Variants in ICA1 observed in about 807,000 individuals in gnomAD.
The protein encoded by ICA1 is islet cell autoantigen 1.
In ICA1, 40 loss-of-function variants were observed where a neutral mutation model predicts 71.0. The ratio of observed to expected loss-of-function variants is 0.56; its 90% CI spans 0.44 to 0.73. ICA1 has a LOEUF of 0.73. Among genes scored for constraint, ICA1 ranks in the 30% least tolerant of loss-of-function variants. The pLI is 0.00. For missense variants in ICA1, 578 were observed against 576.5 expected (o/e 1.00, Z -0.03); for synonymous variants, 207 against 209.5 (o/e 0.99, Z 0.10).
At chr7:8,157,277 G>C (rs1245705441) in intron 7 of ICA1, 63 bp from the exon 8 acceptor site, 1 of 1,433,618 alleles carries the variant, frequency 7.0e-7, no homozygotes, top group Non-Finnish European at 9.4e-7. Flanking sequence ...CTGGTCCCCA[G>C]GGAAGTATGA....
At position 8,218,629 on chromosome 7, in the gene ICA1, A is replaced by G. The variant is rs1563059270; in HGVS notation, c.381-126T>C. On this transcript the variant is annotated intron_variant, in intron 5 of 13. Transcript: ENST00000402384. ...CTGGAATGTAGAAGATGCTCCATCA[A>G]TATTTGCTGAATAATAATCGAAATG... 1.1e-5 allele frequency: 8 copies of G among 731,470 alleles called. No individual in the cohort carries two copies. In the East Asian group the frequency reaches 1.9e-4, roughly 17 times the overall value. 45.3% of individuals were successfully genotyped at this position (731,470 alleles called of 1,614,324 possible). A position where few individuals can be genotyped will look rare whatever the true frequency, so the allele number is the denominator to read the frequency against.
At chr7:8,241,179 C>T (rs1046943558) in intron 1 of ICA1, among the ~76,000 whole-genome samples, 1 of 152,160 alleles carries the variant, frequency 6.6e-6, no homozygotes, top group African/African-American at 2.4e-5. Flanking sequence ...GGTTGGGTTA[C>T]CCACAAAGGG....
chr7:8,140,248 A>C (rs1011278864), intron 10 of ICA1, among the ~76,000 whole-genome samples: 4 of 152,192 alleles, frequency 2.6e-5, no homozygotes, highest in African/African-American at 4.8e-5. Context: ...GCTTGCATCC[A>C]TATAGACAGA....
intron 6 of ICA1, among the ~76,000 whole-genome samples, chr7:8,201,704 T>C (rs1789761368): frequency 6.6e-6 from 1 of 152,144 alleles, no homozygotes; most frequent in South Asian, 2.1e-4. Flanking sequence ...CAGAAGATCT[T>C]CTATGTTTTA....
intron 13 of ICA1, among the ~76,000 whole-genome samples, chr7:8,122,725 T>C (rs1010288075): frequency 2.6e-5 from 4 of 152,250 alleles, no homozygotes; most frequent in African/African-American, 7.2e-5. Context: ...TGACATTATA[T>C]TAGCCTTAAG....
intron 1 of ICA1, among the ~76,000 whole-genome samples, chr7:8,240,468 A>G (rs918226807): frequency 5.3e-5 from 8 of 152,232 alleles, no homozygotes; most frequent in Non-Finnish European, 1.2e-4. Context: ...CCAGAGCAGA[A>G]AAGCTGAAAA....
chr7:8,139,133 G>A (rs766387477), intron 10 of ICA1, 86 bp from the exon 11 acceptor site: 16 of 1,052,138 alleles, frequency 1.5e-5, no homozygotes, highest in Admixed American at 1.1e-4. Flanking sequence ...GTAAATGCAC[G>A]GCTTCAGGAA....
At chr7:8,202,987 C>T (rs182153963) in intron 6 of ICA1, among the ~76,000 whole-genome samples, 2 of 152,326 alleles carry the variant, frequency 1.3e-5, no homozygotes, top group South Asian at 2.1e-4. Context: ...TTGTGATTAA[C>T]ATGGGTACAT....
At chr7:8,211,305 C>G (rs1793709521) in intron 6 of ICA1, among the ~76,000 whole-genome samples, 1 of 152,130 alleles carries the variant, frequency 6.6e-6, no homozygotes, top group African/African-American at 2.4e-5. Context: ...ATGTGCCCTG[C>G]TAAGTACCTC....
At chr7:8,171,382 A>G (rs1332052428) in intron 6 of ICA1, among the ~76,000 whole-genome samples, 1 of 151,886 alleles carries the variant, frequency 6.6e-6, no homozygotes, top group African/African-American at 2.4e-5. Context: ...GCTTGTCTTT[A>G]AAGGGATTTG....
intron 1 of ICA1, among the ~76,000 whole-genome samples, chr7:8,238,233 A>G (rs1305404067): frequency 6.6e-6 from 1 of 152,178 alleles, no homozygotes; most frequent in Non-Finnish European, 1.5e-5. Context: ...TGTTTTCCAC[A>G]GCAGCTGCAC....
At chr7:8,167,867 T>C (rs1470864531) in intron 6 of ICA1, among the ~76,000 whole-genome samples, 1 of 152,140 alleles carries the variant, frequency 6.6e-6, no homozygotes, top group African/African-American at 2.4e-5. Context: ...TTTCTGAACC[T>C]GGAGCTAGAG....
At chr7:8,176,572 G>A (rs1443956343) in intron 6 of ICA1, among the ~76,000 whole-genome samples, 4 of 152,276 alleles carry the variant, frequency 2.6e-5, no homozygotes, top group Non-Finnish European at 5.9e-5. Flanking sequence ...TTTGTGCCTC[G>A]TGGGCAGCAG....
In ICA1 at chr7:8,221,083, G is replaced by GA. The variant is rs202019687; in HGVS notation, c.380+191dup. On this transcript the variant is annotated intron_variant, in intron 5 of 13. Coordinates refer to ENST00000402384, the MANE Select transcript of ICA1 (RefSeq NM_001136020.3). The stretch of plus-strand genomic sequence containing the variant: ...AAAATTTTTTTTAATTAATAGGGAG[G>GA]AAAAAAAAATCCTATGTGTTAATCT... Among the ~76,000 whole-genome samples the GA allele has an allele frequency of 2.1e-3, 312 of 150,698 alleles. 1 individual carries two copies. Among genetic ancestry groups the GA allele is most frequent in the Non-Finnish European group, 3.5e-3 (234 of 67,620 alleles).
chr7:8,252,008 A>G (rs1433842210), intron 1 of ICA1, among the ~76,000 whole-genome samples: 1 of 152,210 alleles, frequency 6.6e-6, no homozygotes, highest in East Asian at 1.9e-4. Flanking sequence ...GCAAACCACA[A>G]ACCTAAAAGA....
At chr7:8,199,880 CAG>C (rs1788960284) in intron 6 of ICA1, among the ~76,000 whole-genome samples, 1 of 151,872 alleles carries the variant, frequency 6.6e-6, no homozygotes, top group Non-Finnish European at 1.5e-5. Context: ...CTCATGGAGA[CAG>C]AGAGTAGGAT....
intron 1 of ICA1, among the ~76,000 whole-genome samples, chr7:8,237,185 G>A (rs1802110076): frequency 6.6e-6 from 1 of 152,156 alleles, no homozygotes; most frequent in Admixed American, 6.5e-5. Context: ...ATCTGGACGA[G>A]CTGCTTTTGG....
chr7:8,153,095 C>T (rs571134403), intron 8 of ICA1, among the ~76,000 whole-genome samples: 248 of 152,342 alleles, frequency 1.6e-3, no homozygotes, highest in African/African-American at 5.6e-3. Context: ...CAACCACTCA[C>T]GCCTCTCTCA....
intron 1 of ICA1, among the ~76,000 whole-genome samples, chr7:8,257,315 AT>A (rs1248137486): frequency 6.6e-6 from 1 of 152,092 alleles, no homozygotes; most frequent in Admixed American, 6.6e-5. Flanking sequence ...AGAAGACCGG[AT>A]TTTCCCCTAG....
Sources: allele counts gnomAD v4.1 joint callset (sites outside exome capture counted in the v4.1 genomes callset), GRCh38; gene constraint gnomAD v4.1.1; transcripts MANE v1.5; gene names NCBI Gene and HGNC (gene_info 2026-07-23, HGNC 2026-07-21).